Variants in RFX3 observed in about 807,000 individuals in gnomAD.
The protein encoded by RFX3 is regulatory factor X3, also known as transcription factor RFX3.
In RFX3, 14 loss-of-function variants were observed where a neutral mutation model predicts 98.6. That is an observed-to-expected ratio of 0.14 (90% CI 0.09 to 0.22). The LOEUF is 0.22. Ranked by LOEUF, RFX3 falls within the 10% of genes least tolerant of loss-of-function variation. The pLI, the probability that RFX3 is intolerant of heterozygous loss-of-function variation, is 1.00. For synonymous variants in RFX3, 383 were observed against 328.4 expected (o/e 1.17, Z -1.80); for missense variants, 639 against 926.9 (o/e 0.69, Z 4.03).
intron 2 of RFX3, among the ~76,000 whole-genome samples, chr9:3,350,279 A>G (rs1163000425): frequency 6.6e-6 from 1 of 152,178 alleles, no homozygotes; most frequent in East Asian, 1.9e-4. Flanking sequence ...ATAAGAAAAT[A>G]AACAAGCTGA....
chr9:3,482,361 C>T (rs999088977), intron 1 of RFX3, among the ~76,000 whole-genome samples: 54 of 151,902 alleles, frequency 3.6e-4, no homozygotes, highest in Non-Finnish European at 1.6e-4. Context: ...GGAGAAATCC[C>T]GAGAAGACAT....
intron 1 of RFX3, among the ~76,000 whole-genome samples, chr9:3,520,026 C>T (rs1451273592): frequency 6.6e-6 from 1 of 152,124 alleles, no homozygotes; most frequent in African/African-American, 2.4e-5. Flanking sequence ...AGGAGGACCA[C>T]GTGAGCCCAG....
chr9:3,307,055 G>C (rs1829409073), intron 4 of RFX3, among the ~76,000 whole-genome samples: 1 of 152,152 alleles, frequency 6.6e-6, no homozygotes, highest in South Asian at 2.1e-4. Flanking sequence ...AAAAACGGGA[G>C]TTTCTCTGCC....
At chr9:3,320,768 CATAT>C (rs34990458) in intron 4 of RFX3, among the ~76,000 whole-genome samples, 3,644 of 85,350 alleles carry the variant, frequency 0.043, 72 homozygotes, top group East Asian at 0.08. Flanking sequence ...TGCTACATAG[CATAT>C]ATATATATAT....
chr9:3,329,416 A>C (rs1450474409), intron 4 of RFX3, among the ~76,000 whole-genome samples: 1 of 149,798 alleles, frequency 6.7e-6, no homozygotes, highest in East Asian at 1.9e-4. Context: ...TCAAAAAAAA[A>C]AAAAAAAAAA....
chr9:3,401,774 C>T (rs1039982062), intron 1 of RFX3, among the ~76,000 whole-genome samples: 17 of 152,116 alleles, frequency 1.1e-4, no homozygotes, highest in Admixed American at 3.9e-4. Flanking sequence ...TGGACACACC[C>T]GCCTGTTAAC....
intron 1 of RFX3, among the ~76,000 whole-genome samples, chr9:3,459,913 G>T (rs1031354909): frequency 1.3e-5 from 2 of 151,996 alleles, no homozygotes; most frequent in East Asian, 3.9e-4. Context: ...TGTTATCCAT[G>T]GATGGTGAGA....
intron 2 of RFX3, among the ~76,000 whole-genome samples, chr9:3,369,885 G>A (rs180708010): frequency 3.8e-4 from 58 of 152,050 alleles, no homozygotes; most frequent in African/African-American, 4.6e-4. Flanking sequence ...GCTGGAGTGC[G>A]GTGGCGCCAT....
At position 3,505,256 on chromosome 9, in the gene RFX3, A is replaced by ATATATTTATATATATATG. The variant is rs1816868434; in HGVS notation, c.-9+20473_-9+20490dup. On this transcript the variant is annotated intron_variant, in intron 1 of 16. Transcript: ENST00000617270. ...AATATATATTTATATATATATGAAT[A>ATATATTTATATATATATG]TATATTTATATATATATGAATATAT... Among the ~76,000 whole-genome samples, 10 of 74,712 alleles carry ATATATTTATATATATATG rather than the reference A, an allele frequency of 1.3e-4. No individual in the cohort carries two copies. The South Asian group carries it at 4.9e-3, about 36-fold the overall frequency. 49.0% of individuals were successfully genotyped at this position (74,712 alleles called of 152,430 possible).
chr9:3,462,388 G>T (rs1202753360), intron 1 of RFX3, among the ~76,000 whole-genome samples: 2 of 151,902 alleles, frequency 1.3e-5, no homozygotes, highest in African/African-American at 2.4e-5. Context: ...CAATTGAAGA[G>T]AATTTCCTCA....
chr9:3,353,724 A>C (rs1206828791), intron 2 of RFX3, among the ~76,000 whole-genome samples: 1 of 152,106 alleles, frequency 6.6e-6, no homozygotes, highest in African/African-American at 2.4e-5. Context: ...AATATGTTTA[A>C]AGGAAGACAG....
chr9:3,228,337 C>T (rs190637989), intron 16 of RFX3, among the ~76,000 whole-genome samples: 2 of 152,248 alleles, frequency 1.3e-5, no homozygotes, highest in East Asian at 1.9e-4. Flanking sequence ...AGTGGCAATG[C>T]TGATATTAAA....
intron 1 of RFX3, among the ~76,000 whole-genome samples, chr9:3,452,564 G>A (rs1846755812): frequency 6.6e-6 from 1 of 152,162 alleles, no homozygotes; most frequent in African/African-American, 2.4e-5. Context: ...CTGCACTCCA[G>A]CCTGGGCAAA....
At chr9:3,446,692 T>C (rs1441220513) in intron 1 of RFX3, among the ~76,000 whole-genome samples, 1 of 152,112 alleles carries the variant, frequency 6.6e-6, no homozygotes, top group Non-Finnish European at 1.5e-5. Flanking sequence ...AAAATATTTT[T>C]ATGCCTGATC....
chr9:3,443,587 TC>T (rs1845787789), intron 1 of RFX3, among the ~76,000 whole-genome samples: 1 of 152,250 alleles, frequency 6.6e-6, no homozygotes, highest in African/African-American at 2.4e-5. Flanking sequence ...CACCACATTT[TC>T]TTTATCCAGT....
intron 1 of RFX3, among the ~76,000 whole-genome samples, chr9:3,399,061 A>C (rs185727022): frequency 6.9e-4 from 105 of 151,874 alleles, no homozygotes; most frequent in African/African-American, 1.4e-3. Flanking sequence ...TTGACTCCCC[A>C]CTCGGGTTTT....
chr9:3,504,455 T>C (rs1013904373), intron 1 of RFX3, among the ~76,000 whole-genome samples: 1 of 128,442 alleles, frequency 7.8e-6, no homozygotes, highest in Non-Finnish European at 1.6e-5. Flanking sequence ...ATATATATTA[T>C]ATGCCATATG....
intron 1 of RFX3, among the ~76,000 whole-genome samples, chr9:3,514,440 G>GTGTTTTGTTTTGTTT (rs201784174): frequency 1.3e-5 from 2 of 151,546 alleles, no homozygotes; most frequent in African/African-American, 4.9e-5. Context: ...TAACCAAGTT[G>GTGTTTTGTTTTGTTT]TGTTTTGTTT....
intron 1 of RFX3, among the ~76,000 whole-genome samples, chr9:3,462,496 C>A (rs1440692750): frequency 6.6e-6 from 1 of 151,924 alleles, no homozygotes; most frequent in Non-Finnish European, 1.5e-5. Flanking sequence ...GCAAGGATAT[C>A]CTCCCTCCCC....
Sources: allele counts gnomAD v4.1 joint callset (sites outside exome capture counted in the v4.1 genomes callset), GRCh38; gene constraint gnomAD v4.1.1; transcripts MANE v1.5; gene names NCBI Gene and HGNC (gene_info 2026-07-23, HGNC 2026-07-21).